The following CARMIL3 variants were observed in gnomAD, a reference collection of about 807,000 sequenced individuals.
CARMIL3 encodes the protein capping protein regulator and myosin 1 linker 3.
In CARMIL3, 88 loss-of-function variants were observed where a neutral mutation model predicts 180.8. That is an observed-to-expected ratio of 0.49 (90% CI 0.41 to 0.58). CARMIL3 has a LOEUF of 0.58. CARMIL3 is among the 20% of genes least tolerant of loss of function. The pLI is 0.00. For missense variants in CARMIL3, 1,548 were observed against 1,787.0 expected, an observed-to-expected ratio of 0.87 and a Z score of 2.41; for synonymous variants, 696 against 714.5, an observed-to-expected ratio of 0.97 and a Z score of 0.41.
chr14:24,055,065 G>T lies in CARMIL3; in HGVS notation c.461-1G>T. The stretch of plus-strand genomic sequence containing the variant: ...GAATCAGCCTATCTCCTGCCCCACA[G>T]GTGGCTTCTCTGAGACCTACGCTGC... On this transcript the variant is annotated splice_acceptor_variant, in intron 6 of 39. Coordinates refer to ENST00000342740, the MANE Select transcript of CARMIL3 (RefSeq NM_138360.4). LOFTEE classifies it high-confidence loss of function. The T allele has an allele frequency of 6.2e-7, 1 of 1,613,154 alleles. No homozygotes were observed. Among genetic ancestry groups the T allele is most frequent in the Non-Finnish European group, 8.5e-7 (1 of 1,179,934 alleles).
chr14:24,058,314 G>C lies in CARMIL3; in HGVS notation c.1392+90G>C. On this transcript the variant is annotated intron_variant, in intron 17 of 39. Coordinates refer to ENST00000342740, the MANE Select transcript of CARMIL3 (RefSeq NM_138360.4). The surrounding 1 kb of genome is among the most constrained non-coding windows in gnomAD (Gnocchi z 6.4). ...CAAACCCTGGCTCCATCTAGCCTCT[G>C]TGCTGACCCTCTGCGACCCCCTGAC... 5 of 1,424,118 alleles carry C rather than the reference G, an allele frequency of 3.5e-6. No homozygotes were observed. The highest frequency in any genetic ancestry group is 2.9e-6 in the Non-Finnish European group (3 of 1,041,780). 88.2% of individuals were successfully genotyped at this position (1,424,118 alleles called of 1,614,324 possible).
chr14:24,062,494 CA>C lies in CARMIL3; in HGVS notation c.2496del (p.Val833SerfsTer5), dbSNP rs2035742086. The C allele has an allele frequency of 6.2e-7, 1 of 1,614,174 alleles. No homozygotes were observed. The highest frequency in any genetic ancestry group is 1.3e-5 in the African/African-American group (1 of 75,050). The part of the protein sequence containing the change: ...IQNKLDEVKL[S>X]VVTYLTSSIV... ...TGTGCCCACAGTGAAGTGAAGCTCT[CA>C]GTCGTCACCTACCTAACCAGCTCCA... On this transcript the variant is annotated frameshift_variant, in exon 28 of 40. Transcript: ENST00000342740. LOFTEE classifies it high-confidence loss of function.
At position 24,057,866 on chromosome 14, in the gene CARMIL3, A is replaced by G. The variant is rs770981219; in HGVS notation, c.1204A>G (p.Ser402Gly). Residue 402 changes from serine to glycine, a missense_variant, in exon 15 of 40, where the codon AGC (serine) becomes GGC (glycine). Ser to Gly is a moderately conservative substitution (Grantham distance 56). Around this residue, in one of 4 missense-constraint regions of CARMIL3, gnomAD observed 578 missense variants for 666.5 expected, o/e 0.87. Transcript: ENST00000342740. The part of the protein sequence containing the change: ...HLTYLNLARN[S>G]CSHRKGREAP... ...CACCTACCTCAACCTGGCTCGCAAC[A>G]GCTGCTCCCACAGGTGGGAGAGGAG... 3.1e-6 allele frequency: 5 copies of G among 1,612,414 alleles called. No individual in the cohort carries two copies. The highest frequency in any genetic ancestry group is 4.2e-6 in the Non-Finnish European group (5 of 1,179,846).
intron 34 of CARMIL3, 102 bp from the exon 35 acceptor site, chr14:24,066,296 T>C: frequency 7.3e-7 from 1 of 1,363,744 alleles, no homozygotes; most frequent in Non-Finnish European, 1.0e-6. Context: ...TAGGGACTAA[T>C]GACATGAGAA....
rs752780017 is a variant in CARMIL3 at position 24,058,691 on chromosome 14, G to C, written c.1404G>C (p.Ala468=). ...CCTTGTCCCTGCAGCTCCGTTCAGC[G>C]GGAGCCCAAGCCTTGCAGGAGCAGC... ...LDLSSCELRS[A]GAQALQEQLG... The change falls in exon 18 of 40, where the codon GCG becomes GCC. Residue 468 remains alanine, a synonymous_variant. Transcript: ENST00000342740. The surrounding 1 kb of genome is among the most constrained non-coding windows in gnomAD (Gnocchi z 6.4). 1.2e-6 allele frequency: 2 copies of C among 1,614,010 alleles called. No homozygotes were observed. Among genetic ancestry groups the C allele is most frequent in the Non-Finnish European group, 8.5e-7 (1 of 1,179,996 alleles).
intron 36 of CARMIL3, among the ~76,000 whole-genome samples, 191 bp downstream of exon 36, chr14:24,066,847 CT>C (rs2035792002): frequency 6.6e-6 from 1 of 152,264 alleles, no homozygotes; most frequent in Admixed American, 6.5e-5. Flanking sequence ...CCAAAGAAAG[CT>C]TCTACAGAAC....
chr14:24,068,539 G>T, intron 36 of CARMIL3, 45 bp from the exon 37 acceptor site: 1 of 1,535,606 alleles, frequency 6.5e-7, no homozygotes, highest in Non-Finnish European at 8.9e-7. Context: ...CAGGAGCTAT[G>T]CAAGAATGCC....
rs1333776815 is a variant in CARMIL3, at chr14:24,060,232, C to A, written c.2038C>A (p.Leu680Met). 1.2e-6 allele frequency: 2 copies of A among 1,614,052 alleles called. No individual in the cohort carries two copies. The highest frequency in any genetic ancestry group is 2.7e-5 in the African/African-American group (2 of 74,942). ...GCAGGCCTTCAGGTTGCAGCAGGGC[C>A]TGGTGACCAGCAGCGCCGAGCAAGT... ...QEQAFRLQQG[L>M]VTSSAEQMLQ... Residue 680 changes from leucine to methionine, a missense_variant, in exon 24 of 40, where the codon CTG becomes ATG. Physicochemically the swap from Leu to Met is conservative, Grantham distance 15. This residue lies in a region of CARMIL3 where 297 missense variants were observed against 415.9 expected (regional missense o/e 0.71). Coordinates refer to ENST00000342740, the MANE Select transcript of CARMIL3 (RefSeq NM_138360.4).
rs756979472 is a variant in CARMIL3 at position 24,055,274 on chromosome 14, A to G, written c.569A>G (p.Glu190Gly). 1 of 1,614,062 alleles carries G rather than the reference A, an allele frequency of 6.2e-7. No homozygotes were observed. ...DTIYHAEDNR[E>G]FNLLDFSHLE... ...ATCTACCATGCTGAAGATAACCGGG[A>G]GTTCAATCTTTTGGATTTCAGCCAC... is the stretch of plus-strand genomic sequence containing the variant. Residue 190 changes from glutamate (E) to glycine (G), a missense_variant, in exon 8 of 40, where the codon GAG becomes GGG. Coordinates refer to ENST00000342740, the MANE Select transcript of CARMIL3 (RefSeq NM_138360.4).
rs771450938 is a variant in CARMIL3 at position 24,064,970 on chromosome 14, T to C, written c.3093T>C (p.Thr1031=). The change falls in exon 33 of 40, where the codon ACT becomes ACC. Residue 1031 remains threonine, a synonymous_variant. Coordinates refer to ENST00000342740, the MANE Select transcript of CARMIL3 (RefSeq NM_138360.4). ...CGATTCTCCCCAGCTACCCCCGGAC[T>C]CTGAGGACCGTGCGGCCAGGACTCT... ...VLEESSSYPR[T]LRTVRPGLSE... 2.5e-6 allele frequency: 4 copies of C among 1,611,732 alleles called. No homozygotes were observed. The highest frequency in any genetic ancestry group is 3.4e-6 in the Non-Finnish European group (4 of 1,179,496).
In CARMIL3 at chr14:24,058,039, A is replaced by C; in HGVS notation, c.1297A>C (p.Thr433Pro). The change falls in exon 16 of 40, where the codon ACA becomes CCA. Residue 433 changes from threonine (T) to proline (P), a missense_variant. This residue lies in a region of CARMIL3 where 578 missense variants were observed against 666.5 expected (regional missense o/e 0.87). Transcript: ENST00000342740. This position sits in a 1 kb window ranked among gnomAD's most constrained non-coding sequence, Gnocchi z 6.4. Reference protein sequence around the residue: ...YTLSHVNLSATKLPLEALRAL... With the variant: ...YTLSHVNLSAPKLPLEALRAL... ...ACTGAGCCACGTCAATCTGTCGGCC[A>C]CAAAGCTGCCCCTGGAGGCCCTCAG... 1 of 1,613,858 alleles carries C rather than the reference A, an allele frequency of 6.2e-7. No individual in the cohort carries two copies. Among genetic ancestry groups the C allele is most frequent in the Non-Finnish European group, 8.5e-7 (1 of 1,180,010 alleles).
intron 32 of CARMIL3, 129 bp from the exon 33 acceptor site, chr14:24,064,829 T>A: frequency 1.1e-6 from 1 of 940,636 alleles, no homozygotes; most frequent in Non-Finnish European, 1.6e-6. Flanking sequence ...GGGCATCATC[T>A]CCCTGAGAAC....
At chr14:24,067,954 C>G (rs2035804894) in intron 36 of CARMIL3, among the ~76,000 whole-genome samples, 1 of 152,284 alleles carries the variant, frequency 6.6e-6, no homozygotes, top group Non-Finnish European at 1.5e-5. Context: ...GGGCAGCATG[C>G]CTGTGGACCC....
In CARMIL3 at chr14:24,054,651, C is replaced by T. The variant is rs77380176; in HGVS notation, c.363-60C>T. On this transcript the variant is annotated intron_variant, in intron 5 of 39. Transcript: ENST00000342740. The surrounding 1 kb of genome is among the most constrained non-coding windows in gnomAD (Gnocchi z 5.1). ...TTTTCCTGGGATGCAGGAGCTATAACGTGGGAAGAACTGAGAGCCTCTTTC... is the reference window on the plus strand; with the variant it reads ...TTTTCCTGGGATGCAGGAGCTATAATGTGGGAAGAACTGAGAGCCTCTTTC... The T allele has an allele frequency of 4.7e-4, 728 of 1,549,694 alleles. 5 individuals are homozygous for T. The East Asian group carries it at 9.4e-3, about 20-fold the overall frequency.
chr14:24,063,002 T>A, intron 29 of CARMIL3, 118 bp from the exon 30 acceptor site: 3 of 1,540,570 alleles, frequency 1.9e-6, no homozygotes, highest in African/African-American at 1.4e-5. Context: ...TCTTCCCTCA[T>A]CCCAGTGCCT....
chr14:24,058,580 C>A lies in CARMIL3; in HGVS notation c.1393-100C>A. On this transcript the variant is annotated intron_variant, in intron 17 of 39. Transcript: ENST00000342740. This position sits in a 1 kb window ranked among gnomAD's most constrained non-coding sequence, Gnocchi z 6.4. ...CCCTGATTTTACACCCAGATCCTGG[C>A]ATGACTTTGAGTTCTGGTGTGACTA... 1 of 911,082 alleles carries A rather than the reference C, an allele frequency of 1.1e-6. No individual in the cohort carries two copies. Among genetic ancestry groups the A allele is most frequent in the South Asian group, 1.6e-5 (1 of 63,686 alleles). 56.4% of individuals were successfully genotyped at this position (911,082 alleles called of 1,614,324 possible).
chr14:24,065,822 C>T (rs1214455417), intron 34 of CARMIL3, 72 bp downstream of exon 34: 2 of 1,569,354 alleles, frequency 1.3e-6, no homozygotes, highest in African/African-American at 1.4e-5. Context: ...TTCCCACTCC[C>T]TCATCCCTGG....
intron 1 of CARMIL3, 115 bp from the exon 2 acceptor site, chr14:24,053,594 C>A: frequency 1.4e-6 from 1 of 703,314 alleles, no homozygotes; most frequent in Non-Finnish European, 2.4e-6. Context: ...TTCTTTGTCT[C>A]TCTGTTTCTC....
chr14:24,061,332 TG>T lies in CARMIL3; in HGVS notation c.2305-161del. On this transcript the variant is annotated intron_variant, in intron 26 of 39. Transcript: ENST00000342740. This position sits in a 1 kb window ranked among gnomAD's most constrained non-coding sequence, Gnocchi z 4.1. Reference sequence around the variant, plus strand: ...GGTGGAAGGAGCACTGACCAGAAAGTGGGGAAGCCTTAGTGTCCAAGGCTCT... The same window carrying T: ...GGTGGAAGGAGCACTGACCAGAAAGTGGGAAGCCTTAGTGTCCAAGGCTCT... The T allele has an allele frequency of 1.4e-6, 1 of 711,672 alleles. No homozygotes were observed. The highest frequency in any genetic ancestry group is 2.3e-6 in the Non-Finnish European group (1 of 437,536). 44.1% of individuals were successfully genotyped at this position (711,672 alleles called of 1,614,324 possible).
Sources: gnomAD v4.1 joint callset for allele counts (sites outside exome capture counted in the v4.1 genomes callset) on GRCh38, gnomAD v4.1.1 for gene constraint, gnomAD v4.1.1 regional missense constraint, Gnocchi (gnomAD v3.1) non-coding constraint, MANE v1.5 for transcripts, NCBI Gene and HGNC (gene_info 2026-07-23, HGNC 2026-07-21) for gene names.